Variants in FSIP2 observed in about 807,000 individuals in gnomAD.
FSIP2 encodes the protein fibrous sheath interacting protein 2.
FSIP2 carries 367 observed loss-of-function variants against 510.5 expected under a neutral mutation model. That is an observed-to-expected ratio of 0.72 (90% confidence interval 0.66 to 0.78). FSIP2 has a LOEUF of 0.78. FSIP2 is among the 30% of genes least tolerant of loss of function. FSIP2 has a pLI of 0.00. For synonymous variants in FSIP2, 2,601 were observed against 2,732.2 expected (o/e 0.95, Z 1.50); for missense variants, 7,594 against 7,901.7 (o/e 0.96, Z 1.48).
intron 2 of FSIP2, 103 bp downstream of exon 2, chr2:185,739,574 A>T: frequency 9.1e-6 from 10 of 1,096,464 alleles, no homozygotes; most frequent in Non-Finnish European, 1.2e-5. Flanking sequence ...TTGCATCAAC[A>T]TTTACAGGAA....
In FSIP2 at chr2:185,788,960, A is replaced by G. The variant is rs753265453; in HGVS notation, c.1824A>G (p.Lys608=). Residue 608 remains lysine, a synonymous_variant, in exon 16 of 23, where the codon AAA becomes AAG. Coordinates refer to ENST00000424728, the MANE Select transcript of FSIP2 (RefSeq NM_173651.4). ...PIKPPPAHVE[K]TVVGKTCHIK... is the part of the protein sequence containing the mutation. ...AACCTCCTCCTGCACATGTGGAAAA[A>G]ACAGTTGTGGGGAAAACATGTCACA... 6.5e-7 allele frequency: 1 copy of G among 1,534,900 alleles called. No individual in the cohort carries two copies. Among genetic ancestry groups the G allele is most frequent in the South Asian group, 1.2e-5 (1 of 84,046 alleles).
At position 185,793,175 on chromosome 2, in the gene FSIP2, A is replaced by T; in HGVS notation, c.6039A>T (p.Gly2013=). The T allele has an allele frequency of 1.3e-6, 2 of 1,534,106 alleles. No homozygotes were observed. The highest frequency in any genetic ancestry group is 1.7e-6 in the Non-Finnish European group (2 of 1,145,532). ...ALQVARRNLQ[G]IKQELDKERE... Reference sequence around the variant, plus strand: ...AAGTGGCTAGAAGAAATTTACAAGGAATCAAACAGGAATTAGATAAAGAAA... The same window carrying T: ...AAGTGGCTAGAAGAAATTTACAAGGTATCAAACAGGAATTAGATAAAGAAA... The change falls in exon 16 of 23, where the codon GGA becomes GGT. Residue 2013 remains glycine (G), a synonymous_variant. Transcript: ENST00000424728.
At chr2:185,798,590 T>C (rs532546812) in intron 16 of FSIP2, among the ~76,000 whole-genome samples, 2 of 151,974 alleles carry the variant, frequency 1.3e-5, no homozygotes, top group Non-Finnish European at 2.9e-5. Context: ...ATCATTCTAA[T>C]TGGAGATATT....
intron 14 of FSIP2, among the ~76,000 whole-genome samples, chr2:185,784,863 T>C (rs1692930660): frequency 6.6e-6 from 1 of 152,096 alleles, no homozygotes; most frequent in Admixed American, 6.6e-5. Flanking sequence ...ACTTCTTACT[T>C]TTTTGGAGGA....
At chr2:185,747,180 T>A (rs1299584163) in intron 6 of FSIP2, 133 bp from the exon 7 acceptor site, 1 of 573,402 alleles carries the variant, frequency 1.7e-6, no homozygotes, top group African/African-American at 1.9e-5. Context: ...AAACCGAACG[T>A]ATGCCTTTCA....
Position 185,800,753 on chromosome 2 carries a change from T to G in FSIP2, c.11447T>G (p.Val3816Gly). The G allele has an allele frequency of 6.5e-7, 1 of 1,533,976 alleles. No homozygotes were observed. Among genetic ancestry groups the G allele is most frequent in the Non-Finnish European group, 8.7e-7 (1 of 1,145,468 alleles). ...KGGMDCECLQ[V>G]DYMSDLLENV... ...GGAATGGACTGTGAATGCCTTCAAG[T>G]AGATTACATGTCAGACCTTTTGGAG... Residue 3816 changes from valine to glycine, a missense_variant, in exon 17 of 23, where the codon GTA becomes GGA. By Grantham distance (109) the Val-to-Gly change is moderately radical. Transcript: ENST00000424728.
At chr2:185,816,596 G>T (rs563977288) in intron 19 of FSIP2, among the ~76,000 whole-genome samples, 219 of 151,938 alleles carry the variant, frequency 1.4e-3, no homozygotes, top group African/African-American at 5.0e-3. Context: ...CCACCACTTT[G>T]GGAGGCAGAG....
At position 185,803,581 on chromosome 2, in the gene FSIP2, C is replaced by T. The variant is rs1336856249; in HGVS notation, c.14275C>T (p.Leu4759Phe). 5.2e-6 allele frequency: 8 copies of T among 1,531,914 alleles called. No homozygotes were observed. The highest frequency in any genetic ancestry group is 7.0e-6 in the Non-Finnish European group (8 of 1,144,368). The allele number at this position is 1,531,914 out of a possible 1,614,324, so 94.9% of individuals were successfully genotyped here. ...TCTGCCTTTTAAATCACATTCCAAA[C>T]TCAGTGCAAATGTTTTAATACAAAG... ...ANLPFKSHSK[L>F]SANVLIQRVQ... is the part of the protein sequence containing the mutation. The change falls in exon 17 of 23, where the codon CTC becomes TTC. Residue 4759 changes from leucine to phenylalanine, a missense_variant. By Grantham distance (22) the Leu-to-Phe change is conservative (BLOSUM62 0). Transcript: ENST00000424728.
chr2:185,782,013 T>A (rs1574174840), intron 13 of FSIP2, among the ~76,000 whole-genome samples: 1 of 152,200 alleles, frequency 6.6e-6, no homozygotes, highest in East Asian at 1.9e-4. Context: ...TCTTTTTGTA[T>A]TTTTAATAGA....
In FSIP2 at chr2:185,805,456, C is replaced by T. The variant is rs751582700; in HGVS notation, c.16150C>T (p.Leu5384=). The change falls in exon 17 of 23, where the codon CTA becomes TTA. Residue 5384 remains leucine (L), a synonymous_variant. Coordinates refer to ENST00000424728, the MANE Select transcript of FSIP2 (RefSeq NM_173651.4). The part of the protein sequence containing the change: ...SNIAIGMIAA[L]TQKAISAFRI... ...CATTGCTATAGGGATGATTGCTGCT[C>T]TAACCCAGAAGGCAATATCTGCATT... 1 of 1,611,054 alleles carries T rather than the reference C, an allele frequency of 6.2e-7. No homozygotes were observed. Among genetic ancestry groups the T allele is most frequent in the Non-Finnish European group, 8.5e-7 (1 of 1,178,304 alleles).
At chr2:185,787,260 A>G (rs969781892) in intron 15 of FSIP2, among the ~76,000 whole-genome samples, 1 of 151,802 alleles carries the variant, frequency 6.6e-6, no homozygotes, top group African/African-American at 2.4e-5. Context: ...ATATGTGTTT[A>G]ATGCCACTAA....
At position 185,803,560 on chromosome 2, in the gene FSIP2, C is replaced by T; in HGVS notation, c.14254C>T (p.Pro4752Ser). ...QIHPDLIANL[P>S]FKSHSKLSAN... ...TCATCCAGATCTTATAGCAAATCTGCCTTTTAAATCACATTCCAAACTCAG... is the reference window on the plus strand; with the variant it reads ...TCATCCAGATCTTATAGCAAATCTGTCTTTTAAATCACATTCCAAACTCAG... Residue 4752 changes from proline (P) to serine (S), a missense_variant, in exon 17 of 23, where the codon CCT (proline) becomes TCT (serine). By Grantham distance (74) the Pro-to-Ser change is moderately conservative (BLOSUM62 -1). Transcript: ENST00000424728. The T allele has an allele frequency of 4.6e-6, 7 of 1,532,636 alleles. No individual in the cohort carries two copies. The highest frequency in any genetic ancestry group is 6.1e-6 in the Non-Finnish European group (7 of 1,144,664). 94.9% of individuals were successfully genotyped at this position (1,532,636 alleles called of 1,614,324 possible).
At position 185,802,641 on chromosome 2, in the gene FSIP2, T is replaced by G. The variant is rs980817533; in HGVS notation, c.13335T>G (p.Ser4445Arg). ...AGAATATTGTTCAGGACATCCTTAG[T>G]AACATCAGTAAATCTACTGAGCCAA... ...VAENIVQDIL[S>R]NISKSTEPSQ... is the part of the protein sequence containing the mutation. The change falls in exon 17 of 23, where the codon AGT (serine) becomes AGG (arginine). Residue 4445 changes from serine to arginine, a missense_variant. Coordinates refer to ENST00000424728, the MANE Select transcript of FSIP2 (RefSeq NM_173651.4). 6.5e-7 allele frequency: 1 copy of G among 1,533,616 alleles called. No individual in the cohort carries two copies. The highest frequency in any genetic ancestry group is 8.7e-7 in the Non-Finnish European group (1 of 1,145,344).
At chr2:185,768,799 CA>C (rs1692548964) in intron 13 of FSIP2, among the ~76,000 whole-genome samples, 1 of 152,058 alleles carries the variant, frequency 6.6e-6, no homozygotes. Context: ...CCCTCTACCA[CA>C]GTGTGGCCTC....
rs762540450 is a variant in FSIP2, at chr2:185,807,176, TTTTCCAACGTCA to T, written c.17871_17882del (p.Ile5957_Gln5961delinsMet). On this transcript the variant is annotated inframe_deletion, in exon 17 of 23. Transcript: ENST00000424728. ...CTAACTAGTGCAGTGATAAATGAAA[TTTTCCAACGTCA>T]GGTTAACTTGATATTTTGTGATGAG... The T allele has an allele frequency of 6.2e-7, 1 of 1,601,786 alleles. No homozygotes were observed.
chr2:185,774,581 ATTT>A (rs3057716), intron 13 of FSIP2, among the ~76,000 whole-genome samples: 12 of 149,632 alleles, frequency 8.0e-5, no homozygotes, highest in South Asian at 2.1e-4. Context: ...ATCAAGCAGG[ATTT>A]TTTTTTTTTA....
chr2:185,754,162 T>C (rs1692199098), intron 8 of FSIP2, among the ~76,000 whole-genome samples: 1 of 150,504 alleles, frequency 6.6e-6, no homozygotes. Context: ...ACCAACATGG[T>C]GTTCTATTAT....
intron 11 of FSIP2, among the ~76,000 whole-genome samples, chr2:185,762,549 A>G (rs931710154): frequency 6.6e-6 from 1 of 151,406 alleles, no homozygotes; most frequent in Non-Finnish European, 1.5e-5. Context: ...ACAAAACTCA[A>G]TTCATCATCA....
intron 20 of FSIP2, among the ~76,000 whole-genome samples, chr2:185,826,561 C>T (rs973121410): frequency 1.3e-5 from 2 of 151,730 alleles, no homozygotes; most frequent in Non-Finnish European, 1.5e-5. Context: ...CTGATCAGGA[C>T]GCTACCTATC....
Sources: allele counts gnomAD v4.1 joint callset (sites outside exome capture counted in the v4.1 genomes callset), GRCh38; gene constraint gnomAD v4.1.1; transcripts MANE v1.5; gene names NCBI Gene and HGNC (gene_info 2026-07-23, HGNC 2026-07-21).